LPA: variants seen among roughly 807,000 people sequenced by gnomAD.
LPA encodes the protein lipoprotein(a), also known as apolipoprotein(a).
Under a neutral mutation model 197.9 loss-of-function variants are expected in LPA, and 199 were observed. That is an observed-to-expected ratio of 1.01 (90% CI 0.90 to 1.13). The LOEUF (loss-of-function observed/expected upper bound fraction) is 1.13, where lower values mean the gene tolerates loss of function less well. LPA is among the 50% of genes most tolerant of loss of function. The pLI, the probability that LPA is intolerant of heterozygous loss-of-function variation, is 0.00. For missense variants in LPA, 1,853 were observed against 1,785.8 expected (o/e 1.04, Z -0.68); for synonymous variants, 715 against 639.5 (o/e 1.12, Z -1.78).
chr6:160,541,457 A>G (rs1583566652), intron 34 of LPA, among the ~76,000 whole-genome samples: 1 of 152,314 alleles, frequency 6.6e-6, no homozygotes, highest in Non-Finnish European at 1.5e-5. Flanking sequence ...CTCCAGAATG[A>G]AGCTCTATAG....
intron 28 of LPA, among the ~76,000 whole-genome samples, chr6:160,572,073 A>G (rs1184311043): frequency 6.6e-6 from 1 of 152,232 alleles, no homozygotes; most frequent in Non-Finnish European, 1.5e-5. Context: ...TATTTGTGCC[A>G]GAATGCACTG....
chr6:160,578,586 A>G lies in LPA; in HGVS notation c.4408T>C (p.Ser1470Pro). The G allele has an allele frequency of 6.2e-7, 1 of 1,614,014 alleles. No individual in the cohort carries two copies. Among genetic ancestry groups the G allele is most frequent in the Non-Finnish European group, 8.5e-7 (1 of 1,179,916 alleles). The stretch of plus-strand genomic sequence containing the variant: ...ACTGTGGGAGTTGTGAGGACACTCG[A>G]TTCTGTCACTGGACATCGTGTCAGG... ...CNLTRCPVTE[S>P]SVLTTPTVAP... is the part of the protein sequence containing the mutation. The change falls in exon 27 of 39, where the codon TCG (serine) becomes CCG (proline). Residue 1470 changes from serine to proline, a missense_variant. By Grantham distance (74) the Ser-to-Pro change is moderately conservative. Coordinates refer to ENST00000316300, the MANE Select transcript of LPA (RefSeq NM_005577.4).
chr6:160,647,032 G>C (rs6905422), intron 2 of LPA, among the ~76,000 whole-genome samples: 61,070 of 151,924 alleles, frequency 0.4, 12,603 homozygotes, highest in African/African-American at 0.49. Context: ...GTTTGTTTCT[G>C]CAAGACTTCT....
chr6:160,587,527 T>C (rs7758127), intron 24 of LPA, among the ~76,000 whole-genome samples: 144 of 152,318 alleles, frequency 9.5e-4, no homozygotes, highest in African/African-American at 3.1e-3. Flanking sequence ...CAGTAAATCA[T>C]AGAGTTTTGC....
At chr6:160,601,916 C>G (rs1236096976) in intron 18 of LPA, among the ~76,000 whole-genome samples, 1 of 152,184 alleles carries the variant, frequency 6.6e-6, no homozygotes, top group Non-Finnish European at 1.5e-5. Flanking sequence ...AGGGAGACAG[C>G]TGGGCAGACT....
At chr6:160,591,791 G>A (rs1779034675) in intron 22 of LPA, among the ~76,000 whole-genome samples, 1 of 150,292 alleles carries the variant, frequency 6.7e-6, no homozygotes, top group African/African-American at 2.5e-5. Context: ...CTCCTTTGTT[G>A]GTCTATTTTC....
At chr6:160,658,377 A>G (rs1780166522) in intron 1 of LPA, among the ~76,000 whole-genome samples, 1 of 152,128 alleles carries the variant, frequency 6.6e-6, no homozygotes, top group South Asian at 2.1e-4. Flanking sequence ...CTGTTTTTTC[A>G]CAATTTCAAC....
intron 20 of LPA, 100 bp downstream of exon 20, chr6:160,599,400 G>T: frequency 1.3e-6 from 2 of 1,534,552 alleles, no homozygotes; most frequent in South Asian, 2.2e-5. Flanking sequence ...CTCTGCATCT[G>T]AGCCAAGTTG....
At chr6:160,604,941 C>A (rs1779314749) in intron 18 of LPA, 105 bp downstream of exon 18, 3 of 1,531,340 alleles carry the variant, frequency 2.0e-6, no homozygotes, top group Non-Finnish European at 2.7e-6. Context: ...ATGCACTGTT[C>A]ATCTGAGACA....
chr6:160,579,321 G>A (rs892477712), intron 26 of LPA, among the ~76,000 whole-genome samples: 1 of 152,108 alleles, frequency 6.6e-6, no homozygotes, highest in Non-Finnish European at 1.5e-5. Context: ...GTGGGTTTGG[G>A]TCTACAGGAC....
chr6:160,609,066 T>G (rs551336416), intron 16 of LPA, among the ~76,000 whole-genome samples: 1 of 152,312 alleles, frequency 6.6e-6, no homozygotes, highest in South Asian at 2.1e-4. Flanking sequence ...ATATTTTATC[T>G]GTTTTATTAC....
intron 30 of LPA, among the ~76,000 whole-genome samples, chr6:160,549,474 T>C (rs1400965912): frequency 6.6e-6 from 1 of 152,146 alleles, no homozygotes; most frequent in African/African-American, 2.4e-5. Flanking sequence ...TACAGGACTG[T>C]ATAGTAACAT....
intron 28 of LPA, among the ~76,000 whole-genome samples, chr6:160,573,923 T>C (rs1014811735): frequency 6.6e-6 from 1 of 152,112 alleles, no homozygotes; most frequent in African/African-American, 2.4e-5. Context: ...TATACTAGTG[T>C]GGAGAGGGAC....
chr6:160,584,270 CTCTTCTTCTTCTTCTTCT>C (rs60345887), intron 26 of LPA, among the ~76,000 whole-genome samples: 2 of 112,872 alleles, frequency 1.8e-5, no homozygotes, highest in Non-Finnish European at 3.7e-5. Context: ...CTTCCTCTTC[CTCTTCTTCTTCTTCTTCT>C]TCTTCCTCTT....
At position 160,531,714 on chromosome 6, in the gene LPA, C is replaced by T. The variant is rs1312220079; in HGVS notation, c.*15G>A. On this transcript the variant is annotated 3_prime_UTR_variant, in exon 39 of 39. Transcript: ENST00000316300. ...CTTCTAAGTAGGTTGATGCTTCACT[C>T]TGTCTCCCGTCCAATTAATTATTTC... 1 of 1,614,028 alleles carries T rather than the reference C, an allele frequency of 6.2e-7. No homozygotes were observed. The highest frequency in any genetic ancestry group is 8.5e-7 in the Non-Finnish European group (1 of 1,179,926).
chr6:160,649,743 TTCTG>T (rs1295125373), intron 2 of LPA, among the ~76,000 whole-genome samples: 5 of 152,214 alleles, frequency 3.3e-5, no homozygotes, highest in African/African-American at 7.2e-5. Context: ...AGACCCCAGC[TTCTG>T]TCTATCTTCC....
Position 160,646,971 on chromosome 6 carries a change from T to G in LPA, c.210-576A>C, listed in dbSNP as rs115283026. ...CTCTACCTTTCCCATGGAAAAGCATTGTGCAAATAGTATTACTGTCTGTCA... is the reference window on the plus strand; with the variant it reads ...CTCTACCTTTCCCATGGAAAAGCATGGTGCAAATAGTATTACTGTCTGTCA... On this transcript the variant is annotated intron_variant, in intron 2 of 38. Coordinates refer to ENST00000316300, the MANE Select transcript of LPA (RefSeq NM_005577.4). Among the ~76,000 whole-genome samples, 1,307 of 152,240 alleles carry G rather than the reference T, an allele frequency of 8.6e-3. 17 individuals are homozygous for G. The highest frequency in any genetic ancestry group is 0.03 in the African/African-American group (1,259 of 41,524).
rs1398739923 is a variant in LPA at position 160,577,278 on chromosome 6, G to A, written c.4489C>T (p.Pro1497Ser). 6 of 1,613,656 alleles carry A rather than the reference G, an allele frequency of 3.7e-6. No individual in the cohort carries two copies. Among genetic ancestry groups the A allele is most frequent in the Admixed American group, 1.7e-5 (1 of 59,980 alleles). Reference sequence around the variant, plus strand: ...CCATGGTAGCAATCCTGGACCACAGGGCTTTTCTCAGGTGGTGCTGAAATT... The same window carrying A: ...CCATGGTAGCAATCCTGGACCACAGAGCTTTTCTCAGGTGGTGCTGAAATT... ...PSEQAPPEKS[P>S]VVQDCYHGDG... The change falls in exon 28 of 39, where the codon CCT becomes TCT. Residue 1497 changes from proline to serine, a missense_variant. Physicochemically the swap from Pro to Ser is moderately conservative, Grantham distance 74. Around this residue, in one of 3 missense-constraint regions of LPA, gnomAD observed 1,737 missense variants for 1,504.4 expected, o/e 1.15. Transcript: ENST00000316300.
At chr6:160,584,209 CTT>C (rs1778854848) in intron 26 of LPA, among the ~76,000 whole-genome samples, 2 of 126,142 alleles carry the variant, frequency 1.6e-5, no homozygotes, top group Admixed American at 1.8e-4. Flanking sequence ...TCTTCTTCTT[CTT>C]CTTCTTCTTC....
Sources: allele counts gnomAD v4.1 joint callset (sites outside exome capture counted in the v4.1 genomes callset), GRCh38; gene constraint gnomAD v4.1.1; regional missense constraint gnomAD v4.1.1; transcripts MANE v1.5; gene names NCBI Gene and HGNC (gene_info 2026-07-23, HGNC 2026-07-21).